The following CUX1 variants were observed in gnomAD, a reference collection of about 807,000 sequenced individuals.
CUX1 encodes protein CASP.
In CUX1, 31 loss-of-function variants were observed where a neutral mutation model predicts 158.8. The ratio of observed to expected loss-of-function variants is 0.20; its 90% CI spans 0.15 to 0.26. The LOEUF is 0.26. Ranked by LOEUF, CUX1 falls within the 10% of genes least tolerant of loss-of-function variation. CUX1 has a pLI of 1.00. For synonymous variants in CUX1, 879 were observed against 862.1 expected (o/e 1.02, Z -0.34); for missense variants, 1,589 against 2,014.6 (o/e 0.79, Z 4.04).
At position 102,275,245 on chromosome 7, in the gene CUX1, A is replaced by G; in HGVS notation, c.1451-2A>G. The G allele has an allele frequency of 6.2e-7, 1 of 1,603,884 alleles. No individual in the cohort carries two copies. Among genetic ancestry groups the G allele is most frequent in the Non-Finnish European group, 8.5e-7 (1 of 1,174,916 alleles). On this transcript the variant is annotated splice_acceptor_variant, in intron 16 of 22. Coordinates refer to the CUX1 transcript ENST00000292538. LOFTEE classifies it high-confidence loss of function. ...CCCAAGCCACCCTCCTCTACCTGCTAGGACCTGCAGCACCAGCCAGCGGTG... is the reference window on the plus strand; with the variant it reads ...CCCAAGCCACCCTCCTCTACCTGCTGGGACCTGCAGCACCAGCCAGCGGTG...
intron 1 of CUX1, among the ~76,000 whole-genome samples, chr7:101,829,403 C>T (rs904959835): frequency 8.5e-5 from 13 of 152,250 alleles, no homozygotes; most frequent in East Asian, 1.9e-4. Context: ...CGGACGGACA[C>T]GGGCTTAGGC....
chr7:102,098,650 T>C (rs1264961269), intron 5 of CUX1, among the ~76,000 whole-genome samples: 1 of 151,352 alleles, frequency 6.6e-6, no homozygotes, highest in Non-Finnish European at 1.5e-5. Context: ...GACTTCTTTT[T>C]TTTTTTTTTG....
chr7:102,245,198 A>G (rs1800677181), intron 23 of CUX1, among the ~76,000 whole-genome samples: 1 of 152,028 alleles, frequency 6.6e-6, no homozygotes, highest in Admixed American at 6.6e-5. Flanking sequence ...GCATGCCACC[A>G]CACCTGGCTA....
At chr7:101,979,790 C>T (rs1469064771) in intron 2 of CUX1, among the ~76,000 whole-genome samples, 1 of 152,166 alleles carries the variant, frequency 6.6e-6, no homozygotes, top group African/African-American at 2.4e-5. Flanking sequence ...GCTGGCACTA[C>T]AGGTGCCCAC....
At chr7:101,990,800 C>A (rs1027849134) in intron 2 of CUX1, among the ~76,000 whole-genome samples, 1 of 152,194 alleles carries the variant, frequency 6.6e-6, no homozygotes, top group African/African-American at 2.4e-5. Flanking sequence ...TCTCCTACAT[C>A]CCCTTCCGTG....
At chr7:102,099,005 G>A (rs907671993) in intron 5 of CUX1, among the ~76,000 whole-genome samples, 1 of 152,004 alleles carries the variant, frequency 6.6e-6, no homozygotes, top group Non-Finnish European at 1.5e-5. Context: ...TAAAAACACT[G>A]CAGATAGACC....
chr7:102,135,231 A>G (rs1833768007), intron 8 of CUX1, among the ~76,000 whole-genome samples: 2 of 152,180 alleles, frequency 1.3e-5, no homozygotes, highest in African/African-American at 2.4e-5. Flanking sequence ...GCCGATTAAG[A>G]TGTTTTGTAA....
At chr7:101,983,915 T>C (rs899731026) in intron 2 of CUX1, among the ~76,000 whole-genome samples, 4 of 150,886 alleles carry the variant, frequency 2.7e-5, no homozygotes, top group African/African-American at 9.8e-5. Context: ...GTACCTGTAA[T>C]CTCAGTTACT....
chr7:102,237,478 C>G (rs1450920292), intron 22 of CUX1, among the ~76,000 whole-genome samples: 2 of 152,250 alleles, frequency 1.3e-5, no homozygotes, highest in African/African-American at 4.8e-5. Context: ...GACAGGGTCT[C>G]TCTATGTTCT....
At chr7:102,276,824 CA>C (rs782198398) in intron 17 of CUX1, among the ~76,000 whole-genome samples, 3 of 151,974 alleles carry the variant, frequency 2.0e-5, no homozygotes, top group Non-Finnish European at 4.4e-5. Flanking sequence ...TGACTGCTGG[CA>C]GGTTTGGGGT....
At chr7:102,181,034 C>T (rs782002037) in intron 11 of CUX1, among the ~76,000 whole-genome samples, 4 of 151,644 alleles carry the variant, frequency 2.6e-5, no homozygotes, top group Admixed American at 6.6e-5. Context: ...CTCTGCCTCC[C>T]ATGTTCAAGT....
intron 1 of CUX1, among the ~76,000 whole-genome samples, chr7:101,880,401 G>T (rs557163433): frequency 6.6e-6 from 1 of 152,192 alleles, no homozygotes; most frequent in Non-Finnish European, 1.5e-5. Flanking sequence ...CTTATCACCC[G>T]TTCCCCAGAC....
chr7:101,909,762 C>G (rs867131079), intron 1 of CUX1, among the ~76,000 whole-genome samples: 1 of 152,158 alleles, frequency 6.6e-6, no homozygotes, highest in African/African-American at 2.4e-5. Flanking sequence ...TCCCACCAGC[C>G]CAGAGGTTCT....
chr7:102,022,930 C>T lies in CUX1; in HGVS notation c.142-5168C>T, dbSNP rs144124207. On this transcript the variant is annotated intron_variant, in intron 2 of 23. Transcript: ENST00000292535. The stretch of plus-strand genomic sequence containing the variant: ...AACTTGAAGTAATTAAGTTTTAAAA[C>T]ATGGCCGGGTGCAGTGGCTCAAGCC... Among the ~76,000 whole-genome samples the T allele has an allele frequency of 9.1e-3, 1,391 of 152,236 alleles. 29 individuals are homozygous for T. Among genetic ancestry groups the T allele is most frequent in the African/African-American group, 0.032 (1,350 of 41,544 alleles).
intron 20 of CUX1, among the ~76,000 whole-genome samples, chr7:102,217,718 G>A (rs1554525402): frequency 6.6e-6 from 1 of 151,112 alleles, no homozygotes. Context: ...GGGAGGATCT[G>A]GATGGACGTG....
intron 2 of CUX1, among the ~76,000 whole-genome samples, chr7:101,955,690 G>A (rs1021485271): frequency 2.6e-5 from 4 of 152,134 alleles, no homozygotes; most frequent in African/African-American, 7.2e-5. Flanking sequence ...ATGGTGCTAC[G>A]GGGCTAAAGA....
intron 1 of CUX1, among the ~76,000 whole-genome samples, chr7:101,827,398 G>A (rs1326949642): frequency 4.6e-5 from 7 of 151,986 alleles, no homozygotes; most frequent in Non-Finnish European, 7.4e-5. Context: ...CTGGACATCC[G>A]GGGCTCAAGC....
intron 1 of CUX1, among the ~76,000 whole-genome samples, chr7:101,912,843 T>C (rs56102188): frequency 0.05 from 7,639 of 152,262 alleles, 254 homozygotes; most frequent in Non-Finnish European, 0.079. Flanking sequence ...CCAGGTTTTT[T>C]GCTCTTTGTG....
At chr7:102,235,411 A>G (rs1799448666) in intron 22 of CUX1, among the ~76,000 whole-genome samples, 1 of 152,152 alleles carries the variant, frequency 6.6e-6, no homozygotes, top group Admixed American at 6.5e-5. Context: ...AAGAGTGGGC[A>G]TCCCAGGGGC....
Sources: allele counts gnomAD v4.1 joint callset (sites outside exome capture counted in the v4.1 genomes callset), GRCh38; gene constraint gnomAD v4.1.1; transcripts MANE v1.5; gene names NCBI Gene and HGNC (gene_info 2026-07-23, HGNC 2026-07-21).